The following PHF24 variants were observed in gnomAD, a reference collection of about 807,000 sequenced individuals.
The protein encoded by PHF24 is PHD finger protein 24, also known as Galpha inhibitory interacting protein.
Under a neutral mutation model 42.6 loss-of-function variants are expected in PHF24, and 25 were observed. The ratio of observed to expected loss-of-function variants is 0.59; its 90% CI spans 0.43 to 0.82. The LOEUF is 0.82. Ranked by LOEUF, PHF24 falls within the 40% of genes least tolerant of loss-of-function variation. The pLI is 0.00. For synonymous variants in PHF24, 185 were observed against 204.8 expected (o/e 0.90, Z 0.83); for missense variants, 470 against 538.1 (o/e 0.87, Z 1.25).
the PHF24 span, among the ~76,000 whole-genome samples, chr9:34,826,363 C>G: frequency 1.3e-5 from 2 of 152,224 alleles, no homozygotes; most frequent in Non-Finnish European, 2.9e-5. Context: ...CCATTCTGGC[C>G]CTTCCATCTA....
the PHF24 span, among the ~76,000 whole-genome samples, chr9:34,732,825 TTTTC>T: frequency 6.6e-6 from 1 of 152,226 alleles, no homozygotes; most frequent in Non-Finnish European, 1.5e-5. Context: ...CTGTTTTCCC[TTTTC>T]TTTTAGTTTT....
the PHF24 span, among the ~76,000 whole-genome samples, chr9:34,716,905 G>A: frequency 3.3e-5 from 5 of 152,112 alleles, no homozygotes; most frequent in Admixed American, 1.3e-4. Flanking sequence ...CACTGCACCC[G>A]GCCTGGTTTT....
At chr9:34,848,317 G>T in the PHF24 span, among the ~76,000 whole-genome samples, 1 of 151,696 alleles carries the variant, frequency 6.6e-6, no homozygotes, top group African/African-American at 2.4e-5. Flanking sequence ...CTTCTTCCTG[G>T]TTTAGTCTTG....
At chr9:34,882,502 A>G in the PHF24 span, among the ~76,000 whole-genome samples, 1 of 151,644 alleles carries the variant, frequency 6.6e-6, no homozygotes. Flanking sequence ...GCTGATAAGC[A>G]ACTTCAGCAA....
chr9:34,863,113 A>G, the PHF24 span, among the ~76,000 whole-genome samples: 1 of 152,050 alleles, frequency 6.6e-6, no homozygotes, highest in Non-Finnish European at 1.5e-5. Context: ...ACAGTAGAAT[A>G]GAGCACCAGG....
the PHF24 span, among the ~76,000 whole-genome samples, chr9:34,885,564 C>T: frequency 3.9e-5 from 6 of 152,268 alleles, no homozygotes; most frequent in Middle Eastern, 3.4e-3. Flanking sequence ...TATCAGGTGG[C>T]CAAAGCAGAG....
chr9:34,922,097 G>T, the PHF24 span: 2 of 1,194,142 alleles, frequency 1.7e-6, no homozygotes, highest in East Asian at 2.3e-5. Context: ...GTCATAAATT[G>T]TAAACAACTA....
At chr9:34,756,339 T>C in the PHF24 span, among the ~76,000 whole-genome samples, 2 of 152,308 alleles carry the variant, frequency 1.3e-5, no homozygotes, top group Admixed American at 1.3e-4. Flanking sequence ...CCTCAGGTGA[T>C]CCAACCACCT....
the PHF24 span, among the ~76,000 whole-genome samples, chr9:34,761,380 C>T: frequency 3.3e-5 from 5 of 151,932 alleles, no homozygotes; most frequent in Admixed American, 6.6e-5. Flanking sequence ...TTCTGTATGC[C>T]AGACACTATT....
the PHF24 span, among the ~76,000 whole-genome samples, chr9:34,816,762 G>A: frequency 6.6e-6 from 1 of 152,294 alleles, no homozygotes; most frequent in Middle Eastern, 3.4e-3. Flanking sequence ...ATAGCAATAA[G>A]TTTCTTGCAT....
At chr9:34,791,739 A>G in the PHF24 span, among the ~76,000 whole-genome samples, 45 of 151,358 alleles carry the variant, frequency 3.0e-4, no homozygotes, top group Middle Eastern at 3.5e-3. Context: ...GGAAAGAGTG[A>G]GTGATCAAAC....
chr9:34,978,372 C>T (rs1235388297), exon 8 of PHF24: 4 of 507,420 alleles, frequency 7.9e-6, no homozygotes, highest in Non-Finnish European at 1.4e-5. Flanking sequence ...TAGACGGGAC[C>T]TGCCACCACA....
intron 3 of PHF24, 126 bp downstream of exon 3, chr9:34,972,657 T>C (rs1005510125): frequency 2.4e-6 from 2 of 838,422 alleles, no homozygotes; most frequent in Admixed American, 3.2e-5. Context: ...GGCTCATGCC[T>C]GTAATCCCAG....
the PHF24 span, among the ~76,000 whole-genome samples, chr9:34,795,942 C>T: frequency 6.6e-6 from 1 of 151,238 alleles, no homozygotes; most frequent in South Asian, 2.1e-4. Context: ...GTTGAGGCTG[C>T]AGTGATCCAT....
chr9:34,836,044 C>T, the PHF24 span: 1 of 621,678 alleles, frequency 1.6e-6, no homozygotes, highest in East Asian at 3.6e-5. Context: ...TGGGGGAAGC[C>T]AGCCCTGGCT....
chr9:34,671,548 A>C, the PHF24 span, among the ~76,000 whole-genome samples: 1 of 152,132 alleles, frequency 6.6e-6, no homozygotes, highest in African/African-American at 2.4e-5. Flanking sequence ...TAAAACATTG[A>C]AGGATATTGT....
At chr9:34,872,396 C>T in the PHF24 span, among the ~76,000 whole-genome samples, 3 of 135,530 alleles carry the variant, frequency 2.2e-5, no homozygotes, top group African/African-American at 8.2e-5. Context: ...GTGATATTCC[C>T]CTTCCTGTGT....
the PHF24 span, among the ~76,000 whole-genome samples, chr9:34,879,531 C>T: frequency 1.3e-5 from 2 of 152,168 alleles, no homozygotes; most frequent in Admixed American, 6.5e-5. Flanking sequence ...AGCTGAAAAC[C>T]ATGGCACAGG....
chr9:34,909,878 T>C, the PHF24 span, among the ~76,000 whole-genome samples: 57 of 152,208 alleles, frequency 3.7e-4, no homozygotes, highest in South Asian at 1.5e-3. Context: ...CTGCCCGCCT[T>C]AGCCTCCCAA....
Sources: allele counts gnomAD v4.1 joint callset (sites outside exome capture counted in the v4.1 genomes callset), GRCh38; gene constraint gnomAD v4.1.1; transcripts MANE v1.5; gene names NCBI Gene and HGNC (gene_info 2026-07-23, HGNC 2026-07-21).